WWP2: variants seen among roughly 807,000 people sequenced by gnomAD.
The protein encoded by WWP2 is WW domain containing E3 ubiquitin protein ligase 2, also known as NEDD4-like E3 ubiquitin-protein ligase WWP2.
Under a neutral mutation model 121.0 loss-of-function variants are expected in WWP2, and 57 were observed. The observed-to-expected ratio is 0.47, with a 90% CI of 0.38 to 0.59. The LOEUF (loss-of-function observed/expected upper bound fraction) is 0.59. WWP2 is among the 20% of genes least tolerant of loss of function. The pLI, the probability that WWP2 is intolerant of heterozygous loss-of-function variation, is 0.00. For missense variants in WWP2, 962 were observed against 1,158.9 expected, an observed-to-expected ratio of 0.83 and a Z score of 2.47; for synonymous variants, 449 against 441.3, an observed-to-expected ratio of 1.02 and a Z score of -0.22.
Position 69,939,737 on chromosome 16 carries a change from C to T in WWP2, c.2514-104C>T, listed in dbSNP as rs1354326698. On this transcript the variant is annotated intron_variant, in intron 23 of 23. Coordinates refer to ENST00000359154, the MANE Select transcript of WWP2 (RefSeq NM_001270454.2). ...CTGACTGGCAGCCCCTGAGCCCTAG[C>T]CAGTGTGGTGCAAGCCCTGTGGCCC... The T allele has an allele frequency of 8.5e-6, 9 of 1,064,582 alleles. No homozygotes were observed. The East Asian group carries it at 2.3e-4, about 27-fold the overall frequency. 65.9% of individuals were successfully genotyped at this position (1,064,582 alleles called of 1,614,324 possible).
rs199690552 is a variant in WWP2, at chr16:69,936,466, G to A, written c.2117+14G>A. 4.6e-5 allele frequency: 74 copies of A among 1,613,702 alleles called. No individual in the cohort carries two copies. In the South Asian group the frequency reaches 6.1e-4, roughly 13 times the overall value. On this transcript the variant is annotated intron_variant, in intron 19 of 23. Transcript: ENST00000359154. ...AGAGTACATCATGTGAGTCTCAGGC[G>A]CCGGGGGCTCCGCTCCAGGGGTGGC...
intron 1 of WWP2, among the ~76,000 whole-genome samples, chr16:69,780,067 C>T (rs995964736): frequency 2.6e-5 from 4 of 152,124 alleles, no homozygotes; most frequent in African/African-American, 7.2e-5. Flanking sequence ...TGGTCTCTTC[C>T]CCACTCCAAT....
chr16:69,765,510 A>G (rs1329937628), intron 1 of WWP2, among the ~76,000 whole-genome samples: 1 of 152,086 alleles, frequency 6.6e-6, no homozygotes, highest in Non-Finnish European at 1.5e-5. Context: ...AGCAGGGAAG[A>G]GGGATGTAGG....
intron 16 of WWP2, among the ~76,000 whole-genome samples, chr16:69,932,650 C>G (rs1405337667): frequency 6.6e-6 from 1 of 152,226 alleles, no homozygotes; most frequent in African/African-American, 2.4e-5. Context: ...AGTCAGGTGT[C>G]CCCGTGTGGA....
At position 69,939,499 on chromosome 16, in the gene WWP2, A is replaced by G; in HGVS notation, c.2513+86A>G. 4 of 1,434,970 alleles carry G rather than the reference A, an allele frequency of 2.8e-6. No individual in the cohort carries two copies. In the South Asian group the frequency reaches 4.8e-5, roughly 17 times the overall value. 88.9% of individuals were successfully genotyped at this position (1,434,970 alleles called of 1,614,324 possible). A position where few individuals can be genotyped will look rare whatever the true frequency, so the allele number is the denominator to read the frequency against. ...AGCCCAGTGGGTGTAGCAGCTTCAT[A>G]GCCTCGAGTCTGGCAGCTTTTGCGT... On this transcript the variant is annotated intron_variant, in intron 23 of 23. Coordinates refer to ENST00000359154, the MANE Select transcript of WWP2 (RefSeq NM_001270454.2).
At chr16:69,891,489 A>G (rs779489112) in intron 8 of WWP2, among the ~76,000 whole-genome samples, 1 of 152,222 alleles carries the variant, frequency 6.6e-6, no homozygotes, top group Non-Finnish European at 1.5e-5. Context: ...CCCAAGTTCT[A>G]TATTCGAGGT....
At chr16:69,861,332 A>C (rs1047574113) in intron 6 of WWP2, among the ~76,000 whole-genome samples, 1 of 152,188 alleles carries the variant, frequency 6.6e-6, no homozygotes, top group Non-Finnish European at 1.5e-5. Flanking sequence ...AGTAGATTGG[A>C]CAAGTCACCA....
chr16:69,811,714 A>G (rs1209478327), intron 4 of WWP2, among the ~76,000 whole-genome samples: 1 of 152,198 alleles, frequency 6.6e-6, no homozygotes, highest in African/African-American at 2.4e-5. Flanking sequence ...TGATTGTGTC[A>G]CTGCAATCCA....
At chr16:69,789,080 CAG>C (rs754062925) in intron 2 of WWP2, among the ~76,000 whole-genome samples, 15 of 152,168 alleles carry the variant, frequency 9.9e-5, no homozygotes, top group Middle Eastern at 3.4e-3. Context: ...TATTTTGCGA[CAG>C]AGTCTCGCTC....
intron 6 of WWP2, among the ~76,000 whole-genome samples, chr16:69,863,704 C>G (rs1215303602): frequency 6.6e-6 from 1 of 152,128 alleles, no homozygotes; most frequent in Non-Finnish European, 1.5e-5. Context: ...AGAAAGTTCC[C>G]CAGTGCCCCT....
At chr16:69,898,309 T>C (rs903205020) in intron 8 of WWP2, among the ~76,000 whole-genome samples, 17 of 152,182 alleles carry the variant, frequency 1.1e-4, no homozygotes, top group African/African-American at 4.1e-4. Flanking sequence ...ATTACAGGTG[T>C]GAGCCACCAC....
intron 6 of WWP2, among the ~76,000 whole-genome samples, chr16:69,863,864 T>G (rs2057471656): frequency 6.6e-6 from 1 of 152,236 alleles, no homozygotes; most frequent in African/African-American, 2.4e-5. Context: ...GCGGTTGTGA[T>G]TCACCTCTGT....
chr16:69,898,986 G>C (rs958291603), intron 8 of WWP2, among the ~76,000 whole-genome samples: 2 of 152,190 alleles, frequency 1.3e-5, no homozygotes, highest in Admixed American at 1.3e-4. Context: ...TTACAGGCAT[G>C]AGCCACCACA....
intron 1 of WWP2, among the ~76,000 whole-genome samples, chr16:69,783,724 T>C (rs1245596627): frequency 6.6e-6 from 1 of 151,924 alleles, no homozygotes; most frequent in Admixed American, 6.6e-5. Context: ...GGCAGAAGAA[T>C]AGCTTGAAGC....
intron 7 of WWP2, among the ~76,000 whole-genome samples, chr16:69,884,015 G>A (rs1305012177): frequency 1.3e-5 from 2 of 152,192 alleles, no homozygotes; most frequent in Admixed American, 6.5e-5. Context: ...AGCTTAGACA[G>A]TATAAAGAAT....
intron 7 of WWP2, among the ~76,000 whole-genome samples, chr16:69,880,164 A>G (rs1330423758): frequency 6.6e-6 from 1 of 150,964 alleles, no homozygotes; most frequent in Non-Finnish European, 1.5e-5. Flanking sequence ...TACATAATAT[A>G]TATTATATAG....
chr16:69,799,917 A>AT lies in WWP2; in HGVS notation c.340+624dup, dbSNP rs1285402131. ...CAGTGGCATGGCCCATGGCGGTGGTATTGGACCCTCCTTCATAAGGCCTCT... is the reference window on the plus strand; with the variant it reads ...CAGTGGCATGGCCCATGGCGGTGGTATTTGGACCCTCCTTCATAAGGCCTCT... On this transcript the variant is annotated intron_variant, in intron 4 of 23. Coordinates refer to ENST00000359154, the MANE Select transcript of WWP2 (RefSeq NM_001270454.2). This position sits in a 1 kb window ranked among gnomAD's most constrained non-coding sequence, Gnocchi z 4.5. 6.6e-6 allele frequency among the ~76,000 whole-genome samples: 1 copy of AT among 152,114 alleles called. No individual in the cohort carries two copies. Among genetic ancestry groups the AT allele is most frequent in the Non-Finnish European group, 1.5e-5 (1 of 68,028 alleles).
At chr16:69,878,123 A>G (rs983742745) in intron 7 of WWP2, among the ~76,000 whole-genome samples, 1 of 152,138 alleles carries the variant, frequency 6.6e-6, no homozygotes, top group Non-Finnish European at 1.5e-5. Flanking sequence ...TTGCTATTTT[A>G]TATGGATGGG....
At chr16:69,936,476 C>A in intron 19 of WWP2, 24 bp downstream of exon 19, 1 of 1,613,012 alleles carries the variant, frequency 6.2e-7, no homozygotes, top group East Asian at 2.2e-5. Flanking sequence ...GCCGGGGGCT[C>A]CGCTCCAGGG....
Sources: allele counts gnomAD v4.1 joint callset (sites outside exome capture counted in the v4.1 genomes callset), GRCh38; gene constraint gnomAD v4.1.1; non-coding constraint Gnocchi (gnomAD v3.1); transcripts MANE v1.5; gene names NCBI Gene and HGNC (gene_info 2026-07-23, HGNC 2026-07-21).